Variants in MYO10 observed in about 807,000 individuals in gnomAD.
The protein encoded by MYO10 is myosin X.
MYO10 carries 133 observed loss-of-function variants against 257.3 expected under a neutral mutation model. The ratio of observed to expected loss-of-function variants is 0.52; its 90% CI spans 0.45 to 0.60. The LOEUF (loss-of-function observed/expected upper bound fraction) is 0.60, where lower values mean the gene tolerates loss of function less well. MYO10 is among the 20% of genes least tolerant of loss of function. The probability of loss-of-function intolerance (pLI) is 0.00; values close to 1 mark genes in which losing one functional copy is unlikely to be tolerated. For synonymous variants in MYO10, 1,104 were observed against 1,028.6 expected (o/e 1.07, Z -1.40); for missense variants, 2,399 against 2,635.7 (o/e 0.91, Z 1.97).
At chr5:16,792,994 C>G (rs542813900) in intron 4 of MYO10, among the ~76,000 whole-genome samples, 16 of 152,270 alleles carry the variant, frequency 1.1e-4, no homozygotes, top group African/African-American at 3.9e-4. Context: ...AGCCAAGTTG[C>G]CACAAGTTGG....
chr5:16,889,508 A>AGAG (rs1561041189), intron 1 of MYO10, among the ~76,000 whole-genome samples: 1 of 69,424 alleles, frequency 1.4e-5, no homozygotes, highest in Admixed American at 1.7e-4. Flanking sequence ...GGAAGGAAGG[A>AGAG]AGGAAGGAAG....
At position 16,749,750 on chromosome 5, in the gene MYO10, G is replaced by A. The variant is rs184855470; in HGVS notation, c.1929+5078C>T. Among the ~76,000 whole-genome samples the A allele has an allele frequency of 1.1e-4, 17 of 152,324 alleles. 1 individual carries two copies. The highest frequency in any genetic ancestry group is 4.1e-4 in the African/African-American group (17 of 41,590). ...AAACAGGGAGGAGAGCCAGCCAGAC[G>A]TGTTCCAAGAGGCAGCCCAGGCTGA... On this transcript the variant is annotated intron_variant, in intron 19 of 40. Coordinates refer to ENST00000513610, the MANE Select transcript of MYO10 (RefSeq NM_012334.3).
chr5:16,925,883 T>C (rs1353021877), intron 1 of MYO10, among the ~76,000 whole-genome samples: 1 of 152,210 alleles, frequency 6.6e-6, no homozygotes, highest in Non-Finnish European at 1.5e-5. Context: ...ATTTGGAATA[T>C]TTGCAAGACA....
intron 3 of MYO10, among the ~76,000 whole-genome samples, chr5:16,812,415 C>A (rs1423454744): frequency 6.6e-6 from 1 of 152,162 alleles, no homozygotes; most frequent in Non-Finnish European, 1.5e-5. Flanking sequence ...CAGCGACAAG[C>A]CTGGGACAGG....
chr5:16,720,640 A>C (rs754842531), intron 19 of MYO10, among the ~76,000 whole-genome samples: 1 of 152,012 alleles, frequency 6.6e-6, no homozygotes, highest in Non-Finnish European at 1.5e-5. Context: ...TTGTATTTTT[A>C]GTAAAGACGG....
chr5:16,779,320 C>A (rs1393629246), intron 9 of MYO10, among the ~76,000 whole-genome samples: 1 of 152,244 alleles, frequency 6.6e-6, no homozygotes, highest in African/African-American at 2.4e-5. Flanking sequence ...ATGACACATT[C>A]GCTCATCTTC....
chr5:16,802,251 G>A lies in MYO10; in HGVS notation c.280-7418C>T, dbSNP rs9686409. Among the ~76,000 whole-genome samples, 2,171 of 152,242 alleles carry A rather than the reference G, an allele frequency of 0.014. 81 individuals are homozygous for A. The East Asian group carries it at 0.17, about 12-fold the overall frequency. On this transcript the variant is annotated intron_variant, in intron 3 of 40. Coordinates refer to ENST00000513610, the MANE Select transcript of MYO10 (RefSeq NM_012334.3). ...CAAGAGGAGAAGAGTTCTGGAGATT[G>A]CTGCAGGGTAACGTAAATATACTTA...
intron 1 of MYO10, among the ~76,000 whole-genome samples, chr5:16,928,954 T>C (rs1746217686): frequency 6.6e-6 from 1 of 151,708 alleles, no homozygotes; most frequent in South Asian, 2.1e-4. Context: ...GGCATGTTTT[T>C]TTTTTGGTTT....
intron 4 of MYO10, among the ~76,000 whole-genome samples, chr5:16,784,958 T>C (rs569648462): frequency 1.3e-5 from 2 of 151,498 alleles, no homozygotes; most frequent in East Asian, 3.9e-4. Flanking sequence ...CACAAAGACA[T>C]AATGTCGTAA....
At chr5:16,827,928 A>G (rs1041053320) in intron 2 of MYO10, among the ~76,000 whole-genome samples, 3 of 152,146 alleles carry the variant, frequency 2.0e-5, no homozygotes, top group Non-Finnish European at 4.4e-5. Context: ...CTTCCCCAAC[A>G]GCACACAGCA....
At chr5:16,819,512 C>T (rs777978362) in intron 2 of MYO10, among the ~76,000 whole-genome samples, 1 of 151,942 alleles carries the variant, frequency 6.6e-6, no homozygotes, top group African/African-American at 2.4e-5. Context: ...TTTTTAAATA[C>T]TTGGATTACA....
At chr5:16,683,840 G>C (rs1737118938) in intron 30 of MYO10, 40 bp downstream of exon 30, 1 of 1,601,692 alleles carries the variant, frequency 6.2e-7, no homozygotes, top group East Asian at 2.2e-5. Context: ...ACACACACAG[G>C]TGATGAGCTG....
intron 19 of MYO10, among the ~76,000 whole-genome samples, chr5:16,720,418 C>T (rs981506924): frequency 2.3e-4 from 35 of 151,966 alleles, no homozygotes; most frequent in African/African-American, 7.7e-4. Context: ...TACTTTTCCA[C>T]TATTTTATTT....
chr5:16,781,598 C>G (rs1459926365), intron 6 of MYO10, 107 bp downstream of exon 6: 11 of 1,191,464 alleles, frequency 9.2e-6, no homozygotes, highest in East Asian at 2.6e-5. Context: ...CGTTAAAGAA[C>G]CAGAGAAAGA....
rs370259877 is a variant in MYO10, at chr5:16,676,087, T to C, written c.4610A>G (p.His1537Arg). 1.6e-4 allele frequency: 261 copies of C among 1,613,466 alleles called. 3 individuals are homozygous for C. In the East Asian group the frequency reaches 4.1e-3, roughly 25 times the overall value. Residue 1537 changes from histidine (H) to arginine (R), a missense_variant, in exon 34 of 41, where the codon CAT becomes CGT. By Grantham distance (29) the His-to-Arg change is conservative. Coordinates refer to ENST00000513610, the MANE Select transcript of MYO10 (RefSeq NM_012334.3). The part of the protein sequence containing the change: ...YKRNPILRYT[H>R]HPLHSPLLPL... Reference sequence around the variant, plus strand: ...CAGGAGCGGGGAGTGCAAGGGGTGATGGGTGTATCGAAGGATCGGGTTCCG... The same window carrying C: ...CAGGAGCGGGGAGTGCAAGGGGTGACGGGTGTATCGAAGGATCGGGTTCCG...
intron 2 of MYO10, 68 bp from the exon 3 acceptor site, chr5:16,818,235 A>C: frequency 7.7e-7 from 1 of 1,302,730 alleles, no homozygotes; most frequent in Non-Finnish European, 1.0e-6. Flanking sequence ...CAAGTTTCCC[A>C]AACTGACAAT....
intron 3 of MYO10, chr5:16,815,296 T>C: frequency 1.9e-6 from 1 of 514,392 alleles, no homozygotes; most frequent in Admixed American, 3.6e-5. Flanking sequence ...GATTTTGGAA[T>C]ATTTGCATAC....
At chr5:16,689,745 A>G in intron 28 of MYO10, 79 bp downstream of exon 28, 1 of 1,217,610 alleles carries the variant, frequency 8.2e-7, no homozygotes, top group South Asian at 1.2e-5. Context: ...AGTACAGTAA[A>G]CAGTGCTCTG....
chr5:16,811,652 C>A (rs6894986), intron 3 of MYO10, among the ~76,000 whole-genome samples: 1 of 152,152 alleles, frequency 6.6e-6, no homozygotes, highest in African/African-American at 2.4e-5. Flanking sequence ...CCGGCTCAGG[C>A]AATCCTCCCA....
Sources: allele counts gnomAD v4.1 joint callset (sites outside exome capture counted in the v4.1 genomes callset), GRCh38; gene constraint gnomAD v4.1.1; transcripts MANE v1.5; gene names NCBI Gene and HGNC (gene_info 2026-07-23, HGNC 2026-07-21).